MN1: variants seen among roughly 807,000 people sequenced by gnomAD.
MN1 encodes the protein transcriptional activator MN1.
MN1 carries 19 observed loss-of-function variants against 86.9 expected under a neutral mutation model. The ratio of observed to expected loss-of-function variants is 0.22; its 90% CI spans 0.15 to 0.32. MN1 has a LOEUF of 0.32. MN1 is among the 10% of genes least tolerant of loss of function. The pLI is 1.00. For synonymous variants in MN1, 928 were observed against 849.6 expected, an observed-to-expected ratio of 1.09 and a Z score of -1.60; for missense variants, 1,841 against 1,862.0, an observed-to-expected ratio of 0.99 and a Z score of 0.21.
intron 1 of MN1, among the ~76,000 whole-genome samples, chr22:27,772,147 G>C (rs934633311): frequency 3.3e-5 from 5 of 152,178 alleles, no homozygotes; most frequent in African/African-American, 1.2e-4. Flanking sequence ...CGCTGCTGTG[G>C]GTTTAAGTCC....
chr22:27,795,902 G>A (rs778286082), intron 1 of MN1, among the ~76,000 whole-genome samples: 121 of 152,260 alleles, frequency 7.9e-4, no homozygotes, highest in Middle Eastern at 3.4e-3. Context: ...AGGCCTGGTG[G>A]GGAGGGGGTG....
In MN1 at chr22:27,798,999, C is replaced by T. The variant is rs1413441278; in HGVS notation, c.1545G>A (p.Pro515=). Residue 515 remains proline (P), a synonymous_variant, in exon 1 of 2, where the codon CCG becomes CCA. Transcript: ENST00000302326. ...GTTGCAGGGACTGGTGGTCCGGGGC[C>T]GGATGCTGCAGGGGCGGCCCCGAAG... is the stretch of plus-strand genomic sequence containing the variant. ...SFPSGPPLQH[P]APDHQSLQQQ... The T allele has an allele frequency of 1.9e-6, 3 of 1,609,348 alleles. No individual in the cohort carries two copies. Among genetic ancestry groups the T allele is most frequent in the Non-Finnish European group, 1.7e-6 (2 of 1,178,498 alleles).
rs764128239 is a variant in MN1 at position 27,798,666 on chromosome 22, C to G, written c.1878G>C (p.Ala626=). The change falls in exon 1 of 2, where the codon GCG becomes GCC. Residue 626 remains alanine (A), a synonymous_variant. Coordinates refer to ENST00000302326, the MANE Select transcript of MN1 (RefSeq NM_002430.3). The part of the protein sequence containing the change: ...GTFEQQAPHL[A]QESAWFSGPH... ...GACCTGAGAACCACGCGCTCTCTTGCGCCAAGTGCGGCGCCTGCTGCTCGA... is the reference window on the plus strand; with the variant it reads ...GACCTGAGAACCACGCGCTCTCTTGGGCCAAGTGCGGCGCCTGCTGCTCGA... 1.4e-5 allele frequency: 21 copies of G among 1,548,230 alleles called. No homozygotes were observed. In the South Asian group the frequency reaches 1.9e-4, roughly 14 times the overall value.
In MN1 at chr22:27,797,241, G is replaced by C. The variant is rs1271436703; in HGVS notation, c.3303C>G (p.Pro1101=). 2.5e-6 allele frequency: 4 copies of C among 1,571,742 alleles called. No homozygotes were observed. In the East Asian group the frequency reaches 9.2e-5, roughly 36 times the overall value. The change falls in exon 1 of 2, where the codon CCC becomes CCG. Residue 1101 remains proline (P), a synonymous_variant. Transcript: ENST00000302326. ...TAGACATGATGCCCAGGCCGAGGGC[G>C]GGCGGGGGCGCCTTCGGTCCGTGTT... is the stretch of plus-strand genomic sequence containing the variant. The part of the protein sequence containing the change: ...AGEHGPKAPP[P]ALGLGIMSNS...
chr22:27,799,637 G>GT lies in MN1; in HGVS notation c.906_907insA (p.Pro303ThrfsTer13), dbSNP rs1418741621. 57 of 1,530,442 alleles carry GT rather than the reference G, an allele frequency of 3.7e-5. No individual in the cohort carries two copies. The highest frequency in any genetic ancestry group is 4.7e-5 in the Non-Finnish European group (54 of 1,137,466). The allele number at this position is 1,530,442 out of a possible 1,614,324, so 94.8% of individuals were successfully genotyped here. ...CCATGCTGCTGCTGCTGCTGCTGGG[G>GT]CTGCTGCTGCTGCTGGGGCTGCTGC... On this transcript the variant is annotated frameshift_variant, in exon 1 of 2. Transcript: ENST00000302326. LOFTEE classifies it high-confidence loss of function.
chr22:27,777,105 T>C (rs1459311541), intron 1 of MN1, among the ~76,000 whole-genome samples: 1 of 152,194 alleles, frequency 6.6e-6, no homozygotes, highest in African/African-American at 2.4e-5. Flanking sequence ...CCCACCTTTA[T>C]TTGATTAAAC....
intron 1 of MN1, among the ~76,000 whole-genome samples, chr22:27,757,807 A>T (rs1489231648): frequency 6.6e-6 from 1 of 151,922 alleles, no homozygotes; most frequent in Non-Finnish European, 1.5e-5. Context: ...TGTGACCCCC[A>T]GACCTTGGTA....
Position 27,799,389 on chromosome 22 carries a change from C to A in MN1, c.1155G>T (p.Glu385Asp). Residue 385 changes from glutamate (E) to aspartate (D), a missense_variant, in exon 1 of 2, where the codon GAG becomes GAT. Glu to Asp is a conservative substitution (Grantham distance 45). Transcript: ENST00000302326. ...GCAGGCCGCCGCTGGGCGTGCCCGCCTCGCCCTGCTGGGGCCGAGGGAGCG... is the reference window on the plus strand; with the variant it reads ...GCAGGCCGCCGCTGGGCGTGCCCGCATCGCCCTGCTGGGGCCGAGGGAGCG... The part of the protein sequence containing the change: ...PPALPRPQQG[E>D]AGTPSGGLQD... 6.5e-7 allele frequency: 1 copy of A among 1,528,498 alleles called. No homozygotes were observed. The highest frequency in any genetic ancestry group is 8.8e-7 in the Non-Finnish European group (1 of 1,141,998). 94.7% of individuals were successfully genotyped at this position (1,528,498 alleles called of 1,614,324 possible).
At chr22:27,783,120 G>A (rs149946197) in intron 1 of MN1, among the ~76,000 whole-genome samples, 4 of 151,036 alleles carry the variant, frequency 2.6e-5, no homozygotes, top group African/African-American at 9.8e-5. Flanking sequence ...ACCAGGGGAT[G>A]TACGTCGTGC....
In MN1 at chr22:27,749,411, C is replaced by T. The variant is rs1438886512; in HGVS notation, c.*1504G>A. 1 of 231,684 alleles carries T rather than the reference C, an allele frequency of 4.3e-6. No individual in the cohort carries two copies. Among genetic ancestry groups the T allele is most frequent in the Non-Finnish European group, 8.5e-6 (1 of 117,182 alleles). 14.4% of individuals were successfully genotyped at this position (231,684 alleles called of 1,614,324 possible). The stretch of plus-strand genomic sequence containing the variant: ...AAACTGAAATTAAATAGATAACCAT[C>T]ACGGTTATATATTTGGGTGAAGTGA... On this transcript the variant is annotated 3_prime_UTR_variant, in exon 2 of 2. Coordinates refer to ENST00000302326, the MANE Select transcript of MN1 (RefSeq NM_002430.3).
chr22:27,752,046 T>C (rs1932769781), intron 1 of MN1, among the ~76,000 whole-genome samples: 2 of 152,136 alleles, frequency 1.3e-5, no homozygotes, highest in Admixed American at 1.3e-4. Context: ...GCTCTGGCCT[T>C]AGCTTGCTCA....
chr22:27,797,449 GC>G lies in MN1; in HGVS notation c.3094del (p.Ala1032ProfsTer18). ...GTTTGGCGAACTACTGTCCGACTTG[GC>G]CCCGCCGTCCAGGGACCCAATGAGG... ...PDLIGSLDGGAKSDSSSPNVG... is the reference protein window; with the variant it reads ...PDLIGSLDGGXKSDSSSPNVG... On this transcript the variant is annotated frameshift_variant, in exon 1 of 2. Transcript: ENST00000302326. LOFTEE classifies it high-confidence loss of function. 1 of 1,605,288 alleles carries G rather than the reference GC, an allele frequency of 6.2e-7. No homozygotes were observed.
chr22:27,768,060 T>A (rs1193580624), intron 1 of MN1, among the ~76,000 whole-genome samples: 2 of 151,780 alleles, frequency 1.3e-5, no homozygotes, highest in African/African-American at 4.8e-5. Flanking sequence ...CATCTTCTAC[T>A]TTTTCCCCAC....
intron 1 of MN1, among the ~76,000 whole-genome samples, chr22:27,784,640 T>A (rs1247287924): frequency 6.6e-6 from 1 of 152,236 alleles, no homozygotes; most frequent in South Asian, 2.1e-4. Context: ...TAGCACTCTA[T>A]GCAGAGGGGA....
At chr22:27,789,832 G>A (rs896869695) in intron 1 of MN1, among the ~76,000 whole-genome samples, 2 of 152,192 alleles carry the variant, frequency 1.3e-5, no homozygotes, top group Non-Finnish European at 2.9e-5. Flanking sequence ...TCTCTGCTCC[G>A]GCTTCTCAAG....
At chr22:27,771,219 C>CTTTTTT (rs11330963) in intron 1 of MN1, among the ~76,000 whole-genome samples, 2 of 86,642 alleles carry the variant, frequency 2.3e-5, no homozygotes, top group African/African-American at 9.0e-5. Context: ...TTTTCCCTAA[C>CTTTTTT]TTTTTTTTTT....
At position 27,751,101 on chromosome 22, in the gene MN1, G is replaced by A. The variant is rs1932760318; in HGVS notation, c.3782-5C>T. On this transcript the variant is annotated splice_region_variant and splice_polypyrimidine_tract_variant and intron_variant, in intron 1 of 1. Transcript: ENST00000302326. The stretch of plus-strand genomic sequence containing the variant: ...TGTTTGCAGGGAGGTCGTGGGCTGT[G>A]GAGAGAGAAGGAAGAGAGGACATTA... 6.4e-7 allele frequency: 1 copy of A among 1,556,808 alleles called. No individual in the cohort carries two copies. The highest frequency in any genetic ancestry group is 1.4e-5 in the African/African-American group (1 of 73,474).
intron 1 of MN1, among the ~76,000 whole-genome samples, chr22:27,786,937 A>G (rs1416921044): frequency 6.6e-6 from 1 of 152,206 alleles, no homozygotes; most frequent in Non-Finnish European, 1.5e-5. Context: ...CTGACCCAAA[A>G]TAGTGAAATG....
At chr22:27,771,425 C>G (rs1459780493) in intron 1 of MN1, among the ~76,000 whole-genome samples, 1 of 151,640 alleles carries the variant, frequency 6.6e-6, no homozygotes, top group Non-Finnish European at 1.5e-5. Context: ...GGGGGTCTCA[C>G]TATGTTGCCC....
Sources: allele counts gnomAD v4.1 joint callset (sites outside exome capture counted in the v4.1 genomes callset), GRCh38; gene constraint gnomAD v4.1.1; transcripts MANE v1.5; gene names NCBI Gene and HGNC (gene_info 2026-07-23, HGNC 2026-07-21).